CFAP210: variants seen among roughly 807,000 people sequenced by gnomAD.
The protein encoded by CFAP210 is cilia- and flagella- associated protein 210.
chr2:169,687,700 T>C, the CFAP210 span, among the ~76,000 whole-genome samples: 9 of 152,164 alleles, frequency 5.9e-5, no homozygotes, highest in African/African-American at 2.2e-4. Flanking sequence ...TCCAGGCGCA[T>C]GGTGCAAGCT....
At chr2:169,692,477 CACACCA>C in the CFAP210 span, among the ~76,000 whole-genome samples, 2 of 147,816 alleles carry the variant, frequency 1.4e-5, no homozygotes, top group African/African-American at 5.1e-5. Context: ...CACACACACA[CACACCA>C]CACAGAGACA....
At chr2:169,662,193 A>C in the CFAP210 span, 1 of 1,384,610 alleles carries the variant, frequency 7.2e-7, no homozygotes, top group Non-Finnish European at 1.0e-6. Context: ...TGTACTCCAT[A>C]AACATGTACA....
At chr2:169,665,261 A>G in the CFAP210 span, among the ~76,000 whole-genome samples, 1 of 151,880 alleles carries the variant, frequency 6.6e-6, no homozygotes, top group African/African-American at 2.4e-5. Context: ...TCTCTCTATT[A>G]CAACAGACAG....
chr2:169,663,807 A>C, the CFAP210 span, among the ~76,000 whole-genome samples: 6 of 151,790 alleles, frequency 4.0e-5, no homozygotes, highest in African/African-American at 7.3e-5. Flanking sequence ...AAAAAAAAAA[A>C]ACCAAGCTTC....
At chr2:169,678,474 C>T in the CFAP210 span, among the ~76,000 whole-genome samples, 1 of 151,550 alleles carries the variant, frequency 6.6e-6, no homozygotes, top group South Asian at 2.1e-4. Flanking sequence ...AGAGATTCAA[C>T]ACAATCCCAA....
At chr2:169,670,922 C>T in the CFAP210 span, among the ~76,000 whole-genome samples, 128 of 152,206 alleles carry the variant, frequency 8.4e-4, no homozygotes, top group Non-Finnish European at 1.3e-3. Context: ...TATCAAAGAA[C>T]GTATGGAAAT....
At chr2:169,679,519 A>C in the CFAP210 span, among the ~76,000 whole-genome samples, 1 of 151,952 alleles carries the variant, frequency 6.6e-6, no homozygotes, top group Non-Finnish European at 1.5e-5. Context: ...TCTACAAAAT[A>C]AAATACAAAA....
the CFAP210 span, among the ~76,000 whole-genome samples, chr2:169,692,878 T>C: frequency 6.6e-6 from 1 of 152,234 alleles, no homozygotes; most frequent in Non-Finnish European, 1.5e-5. Flanking sequence ...GTGATTACTG[T>C]GGTTATCTAG....
chr2:169,647,940 C>G, the CFAP210 span, among the ~76,000 whole-genome samples: 25 of 152,014 alleles, frequency 1.6e-4, no homozygotes, highest in African/African-American at 5.5e-4. Flanking sequence ...GTGGGCACTT[C>G]AGGTCAGGAG....
chr2:169,657,084 C>T, the CFAP210 span, among the ~76,000 whole-genome samples: 23 of 151,468 alleles, frequency 1.5e-4, no homozygotes, highest in Admixed American at 6.6e-4. Flanking sequence ...CACTTTAAAC[C>T]TGTATATTAT....
At chr2:169,682,371 G>C in the CFAP210 span, among the ~76,000 whole-genome samples, 2 of 152,058 alleles carry the variant, frequency 1.3e-5, no homozygotes, top group African/African-American at 4.8e-5. Flanking sequence ...GCTTTGTGTA[G>C]GCATCTCAAC....
At chr2:169,650,288 C>T in the CFAP210 span, 2 of 1,499,016 alleles carry the variant, frequency 1.3e-6, no homozygotes, top group Non-Finnish European at 1.8e-6. Flanking sequence ...AAGGTCCTAA[C>T]TCTGTCTTTC....
the CFAP210 span, among the ~76,000 whole-genome samples, chr2:169,692,277 C>T: frequency 6.6e-6 from 1 of 152,124 alleles, no homozygotes; most frequent in Non-Finnish European, 1.5e-5. Context: ...AACAGAATAC[C>T]TGAGACTCGG....
chr2:169,694,267 T>C, the CFAP210 span: 120 of 1,614,046 alleles, frequency 7.4e-5, no homozygotes, highest in Admixed American at 1.9e-3. Context: ...TCACCTGTAC[T>C]TTCCTTCGCC....
the CFAP210 span, among the ~76,000 whole-genome samples, chr2:169,661,578 G>A: frequency 2.0e-5 from 3 of 152,168 alleles, no homozygotes; most frequent in Admixed American, 6.5e-5. Context: ...ATTACCATTT[G>A]TGGAGCACAT....
At chr2:169,682,182 G>A in the CFAP210 span, among the ~76,000 whole-genome samples, 2 of 151,506 alleles carry the variant, frequency 1.3e-5, no homozygotes, top group Middle Eastern at 3.2e-3. Context: ...ATCGATCAAG[G>A]TTCTTAATTA....
chr2:169,676,093 T>G, the CFAP210 span, among the ~76,000 whole-genome samples: 4 of 152,238 alleles, frequency 2.6e-5, no homozygotes. Flanking sequence ...CTCTTTCATA[T>G]GCCAATTATC....
the CFAP210 span, chr2:169,649,356 TAAAGGC>T: frequency 6.2e-7 from 1 of 1,605,672 alleles, no homozygotes. Flanking sequence ...TCTAGATGTT[TAAAGGC>T]AAAGGAAACA....
At chr2:169,681,162 C>T in the CFAP210 span, 8 of 1,613,784 alleles carry the variant, frequency 5.0e-6, no homozygotes, top group Non-Finnish European at 5.9e-6. Flanking sequence ...ATTATGGTGA[C>T]CTGCTGGAGA....
Sources: allele counts gnomAD v4.1 joint callset (sites outside exome capture counted in the v4.1 genomes callset), GRCh38; gene constraint gnomAD v4.1.1; transcripts MANE v1.5; gene names NCBI Gene and HGNC (gene_info 2026-07-23, HGNC 2026-07-21).